The following AMMECR1L variants were observed in gnomAD, a reference collection of about 807,000 sequenced individuals.
The protein encoded by AMMECR1L is AMMECR1-like protein.
AMMECR1L carries 4 observed loss-of-function variants against 36.8 expected under a neutral mutation model. The ratio of observed to expected loss-of-function variants is 0.11; its 90% CI spans 0.05 to 0.25. AMMECR1L has a LOEUF of 0.25. AMMECR1L is among the 10% of genes least tolerant of loss of function. The probability of loss-of-function intolerance (pLI) is 1.00; values close to 1 mark genes in which losing one functional copy is unlikely to be tolerated. For synonymous variants in AMMECR1L, 147 were observed against 148.0 expected (o/e 0.99, Z 0.05); for missense variants, 232 against 392.1 (o/e 0.59, Z 3.45).
At position 127,873,115 on chromosome 2, in the gene AMMECR1L, A is replaced by ATC. The variant is rs1691066130; in HGVS notation, c.407+712_407+713insGA. The ATC allele has an allele frequency of 1.0e-6, 1 of 985,294 alleles. No homozygotes were observed. The highest frequency in any genetic ancestry group is 1.2e-6 in the Non-Finnish European group (1 of 829,936). The allele number at this position is 985,294 out of a possible 1,614,324, so 61.0% of individuals were successfully genotyped here. ...TAATCTCATATCAATGAACACTCCA[A>ATC]AAGCATACCCCCAAAACAAAAATAA... On this transcript the variant is annotated intron_variant, in intron 3 of 7. Transcript: ENST00000272647. The surrounding 1 kb of genome is among the most constrained non-coding windows in gnomAD (Gnocchi z 5.2).
At chr2:127,879,275 A>G (rs1347814071) in intron 2 of AMMECR1L, among the ~76,000 whole-genome samples, 1 of 152,224 alleles carries the variant, frequency 6.6e-6, no homozygotes, top group African/African-American at 2.4e-5. Context: ...TGAATGATTT[A>G]GGACCAACCT....
Position 127,885,654 on chromosome 2 carries a change from G to C in AMMECR1L, c.-149+156C>G, listed in dbSNP as rs1166667076. On this transcript the variant is annotated intron_variant, in intron 1 of 7. Coordinates refer to ENST00000272647, the MANE Select transcript of AMMECR1L (RefSeq NM_001199140.2). ...CCGCCGCCCGGGACTCCTCCCCCCC[G>C]CTGCCCCCGGACCCTCGCCCCAGGA... 4.1e-6 allele frequency: 4 copies of C among 982,794 alleles called. No homozygotes were observed. In the African/African-American group the frequency reaches 7.0e-5, roughly 17 times the overall value. 60.9% of individuals were successfully genotyped at this position (982,794 alleles called of 1,614,324 possible).
rs971971130 is a variant in AMMECR1L, at chr2:127,864,490, C to G, written c.*604G>C. 6.6e-6 allele frequency: 1 copy of G among 152,298 alleles called. No homozygotes were observed. Among genetic ancestry groups the G allele is most frequent in the African/African-American group, 2.4e-5 (1 of 41,472 alleles). 9.4% of individuals were successfully genotyped at this position (152,298 alleles called of 1,614,324 possible). ...GAGATCTGCAACGCCACCCAAAGGG[C>G]TTCCGATCTTGATGTGGGTCTCTGT... On this transcript the variant is annotated 3_prime_UTR_variant, in exon 8 of 8. Coordinates refer to ENST00000272647, the MANE Select transcript of AMMECR1L (RefSeq NM_001199140.2).
intron 4 of AMMECR1L, 23 bp from the exon 5 acceptor site, chr2:127,870,951 G>C (rs1432568310): frequency 6.3e-7 from 1 of 1,578,696 alleles, no homozygotes; most frequent in Non-Finnish European, 8.7e-7. Context: ...AGAAAACATA[G>C]GTAAGGCTGC....
At chr2:127,878,419 A>G (rs928051752) in intron 2 of AMMECR1L, among the ~76,000 whole-genome samples, 1 of 152,202 alleles carries the variant, frequency 6.6e-6, no homozygotes, top group Non-Finnish European at 1.5e-5. Flanking sequence ...AATCGAAGGG[A>G]AAGAATAAAA....
intron 1 of AMMECR1L, chr2:127,885,051 T>C (rs13421416): frequency 1.9e-6 from 1 of 525,704 alleles, no homozygotes; most frequent in South Asian, 9.2e-5. Flanking sequence ...ACAGGGAATG[T>C]AGGAGGGCAA....
chr2:127,874,221 C>T lies in AMMECR1L; in HGVS notation c.14G>A (p.Arg5His), dbSNP rs750124824. The change falls in exon 3 of 8, where the codon CGT becomes CAT. Residue 5 changes from arginine to histidine, a missense_variant. Arg to His is a conservative substitution (Grantham distance 29). Around this residue, in one of 3 missense-constraint regions of AMMECR1L, gnomAD observed 109 missense variants for 128.1 expected, o/e 0.85. Transcript: ENST00000272647. The surrounding 1 kb of genome is among the most constrained non-coding windows in gnomAD (Gnocchi z 5.2). ...CTTGGGCTCGAGTGGAGGAACACAA[C>T]GTCTTTTTCCCATCCTGATTCAGTG... MGKR[R>H]CVPPLEPKLA... is the part of the protein sequence containing the mutation. 2.5e-6 allele frequency: 4 copies of T among 1,614,126 alleles called. No individual in the cohort carries two copies. Among genetic ancestry groups the T allele is most frequent in the South Asian group, 1.1e-5 (1 of 91,070 alleles).
At chr2:127,868,869 C>T (rs747929063) in intron 6 of AMMECR1L, among the ~76,000 whole-genome samples, 1 of 150,680 alleles carries the variant, frequency 6.6e-6, no homozygotes, top group Non-Finnish European at 1.5e-5. Flanking sequence ...GGTCTACAGG[C>T]ATGCACCACC....
At chr2:127,867,729 G>GGAGGA (rs1690754820) in intron 6 of AMMECR1L, among the ~76,000 whole-genome samples, 4 of 152,190 alleles carry the variant, frequency 2.6e-5, no homozygotes, top group Admixed American at 1.3e-4. Context: ...CTGGGTGACA[G>GGAGGA]GAGGAGACCC....
chr2:127,871,503 G>A lies in AMMECR1L; in HGVS notation c.408-144C>T. ...TTGCCAGCTACCCGAAGGACTCTCT[G>A]CCTTTCTGAAAACGGCACAGCCCCT... On this transcript the variant is annotated intron_variant, in intron 3 of 7. Coordinates refer to ENST00000272647, the MANE Select transcript of AMMECR1L (RefSeq NM_001199140.2). This position sits in a 1 kb window ranked among gnomAD's most constrained non-coding sequence, Gnocchi z 4.3. The A allele has an allele frequency of 2.5e-6, 2 of 786,762 alleles. No individual in the cohort carries two copies. Among genetic ancestry groups the A allele is most frequent in the African/African-American group, 1.7e-5 (1 of 57,758 alleles). The allele number at this position is 786,762 out of a possible 1,614,324, so 48.7% of individuals were successfully genotyped here. A position where few individuals can be genotyped will look rare whatever the true frequency, so the allele number is the denominator to read the frequency against.
At chr2:127,885,024 G>C (rs1235192548) in intron 1 of AMMECR1L, 1 of 382,430 alleles carries the variant, frequency 2.6e-6, no homozygotes, top group Middle Eastern at 1.3e-3. Context: ...ATGGCAAGGA[G>C]AGGAGTTCAG....
rs1260432586 is a variant in AMMECR1L, at chr2:127,864,213, G to C, written c.*881C>G. On this transcript the variant is annotated 3_prime_UTR_variant, in exon 8 of 8. Coordinates refer to ENST00000272647, the MANE Select transcript of AMMECR1L (RefSeq NM_001199140.2). ...GCACATCTACGCTTCTGAGAACTTA[G>C]GTCCAGCTATAGGCACTGCTACCAG... 2 of 152,722 alleles carry C rather than the reference G, an allele frequency of 1.3e-5. No homozygotes were observed. The highest frequency in any genetic ancestry group is 2.9e-5 in the Non-Finnish European group (2 of 68,100). The allele number at this position is 152,722 out of a possible 1,614,324, so 9.5% of individuals were successfully genotyped here. A position where few individuals can be genotyped will look rare whatever the true frequency, so the allele number is the denominator to read the frequency against.
At position 127,863,784 on chromosome 2, in the gene AMMECR1L, C is replaced by T. The variant is rs1027312822; in HGVS notation, c.*1310G>A. ...AAAGCATCTTCCAAGTCCCCTAGTT[C>T]TATGAACTTTGCCACCAAATGAGTG... On this transcript the variant is annotated 3_prime_UTR_variant, in exon 8 of 8. Coordinates refer to ENST00000272647, the MANE Select transcript of AMMECR1L (RefSeq NM_001199140.2). The T allele has an allele frequency of 6.6e-6, 1 of 152,602 alleles. No homozygotes were observed. Among genetic ancestry groups the T allele is most frequent in the African/African-American group, 2.4e-5 (1 of 41,432 alleles). 9.5% of individuals were successfully genotyped at this position (152,602 alleles called of 1,614,324 possible). A position where few individuals can be genotyped will look rare whatever the true frequency, so the allele number is the denominator to read the frequency against.
chr2:127,877,062 T>C (rs1691283068), intron 2 of AMMECR1L, among the ~76,000 whole-genome samples: 2 of 148,636 alleles, frequency 1.3e-5, no homozygotes, highest in Non-Finnish European at 3.0e-5. Context: ...TATATGTACA[T>C]AAAGGGCTTA....
chr2:127,882,134 A>G (rs932465219), intron 2 of AMMECR1L, among the ~76,000 whole-genome samples: 1 of 152,254 alleles, frequency 6.6e-6, no homozygotes, highest in African/African-American at 2.4e-5. Context: ...CCAGATTAAA[A>G]TATCTAGAAA....
At chr2:127,879,463 A>G (rs1303552197) in intron 2 of AMMECR1L, among the ~76,000 whole-genome samples, 1 of 152,232 alleles carries the variant, frequency 6.6e-6, no homozygotes, top group Non-Finnish European at 1.5e-5. Context: ...CCAGAAGCAG[A>G]TGCTGCTATG....
intron 6 of AMMECR1L, among the ~76,000 whole-genome samples, chr2:127,868,708 G>T (rs749176770): frequency 1.3e-5 from 2 of 151,598 alleles, no homozygotes; most frequent in Non-Finnish European, 2.9e-5. Context: ...GTCCCCATCA[G>T]AAGAACTTAT....
chr2:127,872,914 AG>A, intron 3 of AMMECR1L: 3 of 879,692 alleles, frequency 3.4e-6, no homozygotes, highest in Non-Finnish European at 4.1e-6. Context: ...ACTTCCCTCC[AG>A]GTTTCCTCTC....
intron 2 of AMMECR1L, among the ~76,000 whole-genome samples, chr2:127,882,404 C>T (rs912374830): frequency 6.6e-6 from 1 of 152,192 alleles, no homozygotes; most frequent in African/African-American, 2.4e-5. Context: ...ATTATGGGTA[C>T]TGAAATGGCA....
Sources: gnomAD v4.1 joint callset for allele counts (sites outside exome capture counted in the v4.1 genomes callset) on GRCh38, gnomAD v4.1.1 for gene constraint, gnomAD v4.1.1 regional missense constraint, Gnocchi (gnomAD v3.1) non-coding constraint, MANE v1.5 for transcripts, NCBI Gene and HGNC (gene_info 2026-07-23, HGNC 2026-07-21) for gene names.